The following NIPA2 variants were observed in gnomAD, a reference collection of about 807,000 sequenced individuals.
The protein encoded by NIPA2 is magnesium transporter NIPA2.
In NIPA2, 11 loss-of-function variants were observed where a neutral mutation model predicts 29.7. The observed-to-expected ratio is 0.37, with a 90% confidence interval of 0.23 to 0.61. The LOEUF is 0.61. NIPA2 is among the 20% of genes least tolerant of loss of function. The pLI is 0.66. For synonymous variants in NIPA2, 183 were observed against 161.9 expected, an observed-to-expected ratio of 1.13 and a Z score of -0.99; for missense variants, 426 against 437.9, an observed-to-expected ratio of 0.97 and a Z score of 0.24.
chr15:22,851,913 AC>A, intron 4 of NIPA2, 43 bp downstream of exon 4: 1 of 1,533,592 alleles, frequency 6.5e-7, no homozygotes, highest in Non-Finnish European at 8.9e-7. Flanking sequence ...CTCAGTGTCT[AC>A]CTACATGCAC....
intron 7 of NIPA2, among the ~76,000 whole-genome samples, chr15:22,864,040 T>C (rs1343303303): frequency 2.0e-5 from 3 of 152,092 alleles, no homozygotes; most frequent in Non-Finnish European, 4.4e-5. Flanking sequence ...ATTAGTAATT[T>C]TTTTGTTTTT....
At chr15:22,861,004 T>C (rs139175816) in intron 7 of NIPA2, among the ~76,000 whole-genome samples, 1,541 of 152,352 alleles carry the variant, frequency 0.01, 12 homozygotes, top group Non-Finnish European at 0.018. Flanking sequence ...ATATTGCTAC[T>C]ACTTACTTCC....
rs752922594 is a variant in NIPA2, at chr15:22,864,356, A to G, written c.449-1857A>G. On this transcript the variant is annotated intron_variant, in intron 7 of 7. Coordinates refer to ENST00000337451, the MANE Select transcript of NIPA2 (RefSeq NM_030922.7). ...TTTTTAGTAGAGACGGGGTTTCACC[A>G]TGTTAGCCAGGATGGTCTCGATCTT... is the stretch of plus-strand genomic sequence containing the variant. 1.6e-4 allele frequency among the ~76,000 whole-genome samples: 24 copies of G among 152,066 alleles called. 1 individual carries two copies. Among genetic ancestry groups the G allele is most frequent in the African/African-American group, 2.7e-4 (11 of 41,390 alleles).
At chr15:22,859,362 G>A (rs568693079) in intron 6 of NIPA2, among the ~76,000 whole-genome samples, 4 of 146,524 alleles carry the variant, frequency 2.7e-5, no homozygotes, top group South Asian at 4.3e-4. Flanking sequence ...GCACGATCTC[G>A]GCTCCCTGCA....
chr15:22,852,887 C>T (rs2057877522), intron 4 of NIPA2, among the ~76,000 whole-genome samples: 1 of 152,188 alleles, frequency 6.6e-6, no homozygotes, highest in African/African-American at 2.4e-5. Context: ...AAACCTAATT[C>T]AGCAGTCAGA....
chr15:22,859,216 C>G (rs1407833466), intron 6 of NIPA2, among the ~76,000 whole-genome samples: 2 of 151,740 alleles, frequency 1.3e-5, no homozygotes, highest in East Asian at 1.9e-4. Context: ...CAAAGTTACA[C>G]TCATCCCAGT....
intron 3 of NIPA2, among the ~76,000 whole-genome samples, chr15:22,850,439 T>G (rs1302121366): frequency 6.6e-6 from 1 of 152,192 alleles, no homozygotes; most frequent in African/African-American, 2.4e-5. Context: ...GTCTTCTCAT[T>G]GAATCATACA....
In NIPA2 at chr15:22,860,693, C is replaced by T. The variant is rs756884121; in HGVS notation, c.352C>T (p.Leu118=). The T allele has an allele frequency of 2.5e-6, 4 of 1,599,238 alleles. No homozygotes were observed. The East Asian group carries it at 6.8e-5, about 27-fold the overall frequency. The stretch of plus-strand genomic sequence containing the variant: ...TCTTCATGGGAAAATTGGGTGTTTG[C>T]TAAGTATTCTAGGATCTACAGTTAT... The part of the protein sequence containing the change: ...LNLHGKIGCL[L]SILGSTVMVI... The change falls in exon 7 of 8, where the codon CTA becomes TTA. Residue 118 remains leucine, a synonymous_variant. Transcript: ENST00000337451.
At position 22,867,330 on chromosome 15, in the gene NIPA2, T is replaced by C. The variant is rs767238367; in HGVS notation, c.*483T>C. The C allele has an allele frequency of 1.4e-4, 56 of 396,982 alleles. No homozygotes were observed. Among genetic ancestry groups the C allele is most frequent in the Non-Finnish European group, 2.0e-4 (46 of 225,328 alleles). The allele number at this position is 396,982 out of a possible 1,614,324, so 24.6% of individuals were successfully genotyped here. ...TGTTTGATGATGATTGGTTTTATTT[T>C]TGAAATATTTATTAAGGGAAAACTA... On this transcript the variant is annotated 3_prime_UTR_variant, in exon 8 of 8. Transcript: ENST00000337451.
chr15:22,842,455 T>C (rs558388472), intron 2 of NIPA2, among the ~76,000 whole-genome samples: 235 of 151,414 alleles, frequency 1.6e-3, no homozygotes, highest in African/African-American at 5.6e-3. Context: ...TTTGGGAGGC[T>C]GAGGTGGGTG....
chr15:22,848,425 A>C (rs2057444047), intron 3 of NIPA2, among the ~76,000 whole-genome samples: 1 of 152,070 alleles, frequency 6.6e-6, no homozygotes, highest in African/African-American at 2.4e-5. Context: ...ACCAGGCATA[A>C]CTATGTTGCC....
At position 22,866,542 on chromosome 15, in the gene NIPA2, G is replaced by T; in HGVS notation, c.778G>T (p.Val260Phe). 1 of 1,614,032 alleles carries T rather than the reference G, an allele frequency of 6.2e-7. No homozygotes were observed. The highest frequency in any genetic ancestry group is 8.5e-7 in the Non-Finnish European group (1 of 1,179,898). The change falls in exon 8 of 8, where the codon GTT (valine) becomes TTT (phenylalanine). Residue 260 changes from valine to phenylalanine, a missense_variant. Coordinates refer to ENST00000337451, the MANE Select transcript of NIPA2 (RefSeq NM_030922.7). ...ATATTATGTATTCTTTACAACATCA[G>T]TTTTAACTTGTTCAGCTATTCTTTT... is the stretch of plus-strand genomic sequence containing the variant. ...PIYYVFFTTS[V>F]LTCSAILFKE...
At position 22,860,771 on chromosome 15, in the gene NIPA2, C is replaced by G; in HGVS notation, c.430C>G (p.His144Asp). 6.3e-7 allele frequency: 1 copy of G among 1,596,694 alleles called. No homozygotes were observed. The highest frequency in any genetic ancestry group is 8.5e-7 in the Non-Finnish European group (1 of 1,175,058). The change falls in exon 7 of 8, where the codon CAC becomes GAC. Residue 144 changes from histidine (H) to aspartate (D), a missense_variant. Transcript: ENST00000337451. ...EEIETLNEMSHKLGDPGFVVF... is the reference protein window; with the variant it reads ...EEIETLNEMSDKLGDPGFVVF... Reference sequence around the variant, plus strand: ...GATTGAGACTTTAAATGAAATGTCTCACAAGCTAGGTGATCCAGGTAAGAA... The same window carrying G: ...GATTGAGACTTTAAATGAAATGTCTGACAAGCTAGGTGATCCAGGTAAGAA...
chr15:22,861,838 G>T (rs968910861), intron 7 of NIPA2, among the ~76,000 whole-genome samples: 1 of 151,942 alleles, frequency 6.6e-6, no homozygotes, highest in African/African-American at 2.4e-5. Context: ...CAGCCCAAGC[G>T]ATTCTCCCAT....
At chr15:22,858,115 T>C (rs567370167) in intron 5 of NIPA2, among the ~76,000 whole-genome samples, 3 of 152,210 alleles carry the variant, frequency 2.0e-5, no homozygotes, top group African/African-American at 7.2e-5. Flanking sequence ...TTGGAGAGGC[T>C]GGGCGCAGTG....
At position 22,866,868 on chromosome 15, in the gene NIPA2, A is replaced by AATC; in HGVS notation, c.*22_*24dup. On this transcript the variant is annotated 3_prime_UTR_variant, in exon 8 of 8. Transcript: ENST00000337451. ...TTTAAGAAAGGTGTAATTAAAGGTT[A>AATC]ATCTGTGATTGTTATGAAGTGAATT... 1 of 1,557,372 alleles carries AATC rather than the reference A, an allele frequency of 6.4e-7. No homozygotes were observed. The highest frequency in any genetic ancestry group is 2.3e-5 in the East Asian group (1 of 44,340).
chr15:22,859,927 G>A (rs893014209), intron 6 of NIPA2, among the ~76,000 whole-genome samples: 1 of 151,932 alleles, frequency 6.6e-6, no homozygotes, highest in Non-Finnish European at 1.5e-5. Context: ...TAATGTAATA[G>A]GCAAATTATA....
intron 7 of NIPA2, among the ~76,000 whole-genome samples, chr15:22,863,307 C>G (rs931720719): frequency 6.6e-6 from 1 of 151,986 alleles, no homozygotes; most frequent in African/African-American, 2.4e-5. Flanking sequence ...TGGTCTCAAC[C>G]TACTGGGCTC....
At chr15:22,860,904 A>C (rs2058573640) in intron 7 of NIPA2, 115 bp downstream of exon 7, 1 of 719,328 alleles carries the variant, frequency 1.4e-6, no homozygotes, top group East Asian at 2.9e-5. Flanking sequence ...GTAGAAGAAC[A>C]AATTGTCGTC....
Sources: allele counts gnomAD v4.1 joint callset (sites outside exome capture counted in the v4.1 genomes callset), GRCh38; gene constraint gnomAD v4.1.1; transcripts MANE v1.5; gene names NCBI Gene and HGNC (gene_info 2026-07-23, HGNC 2026-07-21).